Variants in KLF12 observed in about 807,000 individuals in gnomAD.
The protein encoded by KLF12 is Krueppel-like factor 12.
A neutral mutation model predicts 37.8 loss-of-function variants in KLF12; 9 were observed. The observed-to-expected ratio is 0.24, with a 90% CI of 0.14 to 0.42. The LOEUF is 0.42. Among genes scored for constraint, KLF12 ranks in the 10% least tolerant of loss-of-function variants. The pLI, the probability that KLF12 is intolerant of heterozygous loss-of-function variation, is 1.00. For synonymous variants in KLF12, 208 were observed against 202.1 expected (o/e 1.03, Z -0.25); for missense variants, 411 against 516.0 (o/e 0.80, Z 1.97).
At chr13:74,179,053 T>C in the KLF12 span, among the ~76,000 whole-genome samples, 1 of 152,268 alleles carries the variant, frequency 6.6e-6, no homozygotes, top group Non-Finnish European at 1.5e-5. Context: ...GTCCATGTGC[T>C]GTGAACATCG....
At chr13:74,182,673 A>G in the KLF12 span, among the ~76,000 whole-genome samples, 1 of 152,214 alleles carries the variant, frequency 6.6e-6, no homozygotes, top group Non-Finnish European at 1.5e-5. Flanking sequence ...TAAGAAATCC[A>G]TAGGGAGAGA....
rs17062114 is a variant in KLF12 at position 74,098,916 on chromosome 13, C to T, written c.-32+34823G>A. ...ACAGTATTTTCAAATGCTTCCCACG[C>T]TAGTATGTTACATGTCATGGGTCTT... On this transcript the variant is annotated intron_variant, in intron 1 of 7. Transcript: ENST00000377669. Among the ~76,000 whole-genome samples, 72 of 152,228 alleles carry T rather than the reference C, an allele frequency of 4.7e-4. No individual in the cohort carries two copies. In the East Asian group the frequency reaches 8.5e-3, roughly 18 times the overall value.
At chr13:74,222,172 G>C in the KLF12 span, among the ~76,000 whole-genome samples, 1 of 152,198 alleles carries the variant, frequency 6.6e-6, no homozygotes, top group African/African-American at 2.4e-5. Flanking sequence ...TGTAGTTTGA[G>C]TAAATAAAAT....
chr13:73,977,408 A>T (rs1450423616), intron 2 of KLF12, among the ~76,000 whole-genome samples: 1 of 152,192 alleles, frequency 6.6e-6, no homozygotes, highest in Non-Finnish European at 1.5e-5. Flanking sequence ...GAACTACCCC[A>T]TATAGCAAAG....
chr13:73,876,481 C>A (rs1285766948), intron 3 of KLF12, among the ~76,000 whole-genome samples: 1 of 152,152 alleles, frequency 6.6e-6, no homozygotes, highest in Non-Finnish European at 1.5e-5. Context: ...AACCTAATCA[C>A]AGAAGTAAAA....
At chr13:73,786,661 T>C (rs935418650) in intron 5 of KLF12, among the ~76,000 whole-genome samples, 4 of 151,292 alleles carry the variant, frequency 2.6e-5, no homozygotes, top group Admixed American at 2.0e-4. Flanking sequence ...GGTGGGAGGA[T>C]TGCTTGAGCC....
the KLF12 span, among the ~76,000 whole-genome samples, chr13:74,165,593 C>T: frequency 6.6e-6 from 1 of 152,200 alleles, no homozygotes; most frequent in African/African-American, 2.4e-5. Context: ...GCCACCACTT[C>T]CGGGCTCATA....
the KLF12 span, among the ~76,000 whole-genome samples, chr13:74,226,161 A>G: frequency 2.0e-5 from 3 of 152,162 alleles, no homozygotes; most frequent in Admixed American, 6.5e-5. Context: ...GGAGACAAAT[A>G]CAATAAGATT....
At chr13:74,039,115 T>C (rs1369922306) in intron 1 of KLF12, among the ~76,000 whole-genome samples, 1 of 152,108 alleles carries the variant, frequency 6.6e-6, no homozygotes, top group East Asian at 1.9e-4. Context: ...ATTTTTTTCC[T>C]TTGCTTCTAA....
upstream of KLF12, among the ~76,000 whole-genome samples, chr13:74,138,565 G>A (rs188679142): frequency 6.6e-6 from 1 of 152,260 alleles, no homozygotes; most frequent in Admixed American, 6.5e-5. Context: ...AAATTAGGGG[G>A]AAAATGCCAT....
intron 5 of KLF12, among the ~76,000 whole-genome samples, chr13:73,810,349 C>G (rs1222508393): frequency 1.3e-5 from 2 of 151,956 alleles, no homozygotes; most frequent in Non-Finnish European, 2.9e-5. Flanking sequence ...ATAATATGCA[C>G]GTATTAAAAG....
intron 2 of KLF12, among the ~76,000 whole-genome samples, chr13:73,954,977 G>C (rs1890785947): frequency 6.6e-6 from 1 of 152,136 alleles, no homozygotes; most frequent in Non-Finnish European, 1.5e-5. Context: ...CTTGGAGCAT[G>C]GGCCTGATGA....
chr13:74,089,258 C>G (rs995985659), intron 1 of KLF12, among the ~76,000 whole-genome samples: 3 of 152,168 alleles, frequency 2.0e-5, no homozygotes, highest in Admixed American at 2.0e-4. Context: ...CAAAGACACA[C>G]AGGCTCAGGT....
rs1224765465 is a variant in KLF12 at position 73,686,186 on chromosome 13, A to G, written c.*9304T>C. ...AAAGGTTTAAACTCTATTTCAGTTCACAGCTCAATTCATAGGAAAGTTGAA... is the reference window on the plus strand; with the variant it reads ...AAAGGTTTAAACTCTATTTCAGTTCGCAGCTCAATTCATAGGAAAGTTGAA... On this transcript the variant is annotated 3_prime_UTR_variant, in exon 8 of 8. Transcript: ENST00000377669. 6.6e-6 allele frequency: 1 copy of G among 152,640 alleles called. No individual in the cohort carries two copies. Among genetic ancestry groups the G allele is most frequent in the East Asian group, 1.9e-4 (1 of 5,198 alleles). The allele number at this position is 152,640 out of a possible 1,614,324, so 9.5% of individuals were successfully genotyped here.
chr13:74,153,569 G>T, the KLF12 span, among the ~76,000 whole-genome samples: 1 of 152,086 alleles, frequency 6.6e-6, no homozygotes. Context: ...TCCAGCTGTT[G>T]CCTCATTGCA....
chr13:74,042,428 G>C (rs1295938168), intron 1 of KLF12, among the ~76,000 whole-genome samples: 1 of 152,042 alleles, frequency 6.6e-6, no homozygotes, highest in Non-Finnish European at 1.5e-5. Flanking sequence ...TGACCTGGTA[G>C]CATTTCACCC....
the KLF12 span, among the ~76,000 whole-genome samples, chr13:74,179,106 T>C: frequency 6.6e-6 from 1 of 152,198 alleles, no homozygotes; most frequent in South Asian, 2.1e-4. Flanking sequence ...GGTCCAAATA[T>C]AGGCTGCGAG....
rs1391430299 is a variant in KLF12, at chr13:74,001,264, G to A, written c.-31-6211C>T. Among the ~76,000 whole-genome samples the A allele has an allele frequency of 2.0e-5, 3 of 152,162 alleles. No homozygotes were observed. In the East Asian group the frequency reaches 5.8e-4, roughly 29 times the overall value. ...GCTGGTGGAAGGAAGGGAAGAATAGGGTGCCCATTTACCCAGTAATCTCCA... is the reference window on the plus strand; with the variant it reads ...GCTGGTGGAAGGAAGGGAAGAATAGAGTGCCCATTTACCCAGTAATCTCCA... On this transcript the variant is annotated intron_variant, in intron 1 of 7. Coordinates refer to ENST00000377669, the MANE Select transcript of KLF12 (RefSeq NM_007249.5).
chr13:74,119,221 T>C (rs911891113), intron 1 of KLF12, among the ~76,000 whole-genome samples: 4 of 151,640 alleles, frequency 2.6e-5, no homozygotes, highest in African/African-American at 9.7e-5. Context: ...TAATCCCAGA[T>C]ACTTGGGAGG....
Sources: allele counts gnomAD v4.1 joint callset (sites outside exome capture counted in the v4.1 genomes callset), GRCh38; gene constraint gnomAD v4.1.1; transcripts MANE v1.5; gene names NCBI Gene and HGNC (gene_info 2026-07-23, HGNC 2026-07-21).